TMEM117: variants seen among roughly 807,000 people sequenced by gnomAD.
The protein encoded by TMEM117 is transmembrane protein 117.
Under a neutral mutation model 52.4 loss-of-function variants are expected in TMEM117, and 27 were observed. The ratio of observed to expected loss-of-function variants is 0.51; its 90% confidence interval spans 0.38 to 0.71. TMEM117 has a LOEUF of 0.71. Ranked by LOEUF, TMEM117 falls within the 30% of genes least tolerant of loss-of-function variation. The pLI, the probability that TMEM117 is intolerant of heterozygous loss-of-function variation, is 0.00. For synonymous variants in TMEM117, 215 were observed against 206.3 expected, an observed-to-expected ratio of 1.04 and a Z score of -0.36; for missense variants, 556 against 630.5, an observed-to-expected ratio of 0.88 and a Z score of 1.26.
intron 3 of TMEM117, among the ~76,000 whole-genome samples, chr12:44,022,954 C>A: frequency 6.6e-6 from 1 of 152,138 alleles, no homozygotes. Context: ...ATAAAGGAAG[C>A]AGATCAATTA....
At position 43,965,385 on chromosome 12, in the gene TMEM117, T is replaced by G. The variant is rs1399968891; in HGVS notation, c.410+21043T>G. Among the ~76,000 whole-genome samples the G allele has an allele frequency of 2.6e-5, 4 of 152,176 alleles. No individual in the cohort carries two copies. The South Asian group carries it at 6.2e-4, about 24-fold the overall frequency. On this transcript the variant is annotated intron_variant, in intron 3 of 7. Coordinates refer to ENST00000266534, the MANE Select transcript of TMEM117 (RefSeq NM_032256.3). ...GTGATTGTATATCTCTATGAGGTCT[T>G]CCATCACAGCCCAGAGGAAGCACTA...
intron 3 of TMEM117, among the ~76,000 whole-genome samples, chr12:44,076,493 T>A (rs903097248): frequency 6.6e-6 from 1 of 152,206 alleles, no homozygotes; most frequent in African/African-American, 2.4e-5. Context: ...GGATCATTAT[T>A]GTGGTGTTAG....
chr12:43,964,456 T>G (rs1945452700), intron 3 of TMEM117, among the ~76,000 whole-genome samples: 2 of 152,190 alleles, frequency 1.3e-5, no homozygotes, highest in African/African-American at 2.4e-5. Context: ...CTACTTCTCT[T>G]TCCTAAAATT....
the TMEM117 span, among the ~76,000 whole-genome samples, chr12:43,821,733 C>T: frequency 1.3e-5 from 2 of 152,210 alleles, no homozygotes; most frequent in Non-Finnish European, 2.9e-5. Flanking sequence ...TGAATAAGCC[C>T]GTCTTTCATG....
chr12:44,047,835 A>G (rs2137915874), intron 3 of TMEM117, among the ~76,000 whole-genome samples: 1 of 152,176 alleles, frequency 6.6e-6, no homozygotes, highest in Middle Eastern at 3.4e-3. Flanking sequence ...CTGAGTTGAA[A>G]TTTTCCTTTT....
intron 5 of TMEM117, among the ~76,000 whole-genome samples, chr12:44,216,165 A>G (rs1949715818): frequency 6.6e-6 from 1 of 150,558 alleles, no homozygotes; most frequent in Non-Finnish European, 1.5e-5. Flanking sequence ...GCACCACCAC[A>G]CCCGGCTAAT....
chr12:43,931,604 T>A (rs1193790087), intron 2 of TMEM117, among the ~76,000 whole-genome samples: 1 of 152,234 alleles, frequency 6.6e-6, no homozygotes, highest in Admixed American at 6.5e-5. Context: ...ATATTTTACA[T>A]TTGGTAATTT....
intron 5 of TMEM117, among the ~76,000 whole-genome samples, chr12:44,288,466 A>G (rs1018703004): frequency 1.3e-5 from 2 of 152,194 alleles, no homozygotes; most frequent in African/African-American, 4.8e-5. Context: ...AAATGGAAGT[A>G]CATTATAAAG....
At chr12:44,202,015 CAA>C (rs2138371642) in intron 4 of TMEM117, among the ~76,000 whole-genome samples, 1 of 151,106 alleles carries the variant, frequency 6.6e-6, no homozygotes, top group East Asian at 1.9e-4. Context: ...CTTTATATAT[CAA>C]GATGATATCT....
At chr12:43,949,688 A>G (rs1462230020) in intron 3 of TMEM117, among the ~76,000 whole-genome samples, 1 of 152,070 alleles carries the variant, frequency 6.6e-6, no homozygotes, top group African/African-American at 2.4e-5. Flanking sequence ...ATGACTGCCT[A>G]TCTCCTGATG....
Position 44,083,942 on chromosome 12 carries a change from A to G in TMEM117, c.411-59583A>G, listed in dbSNP as rs1207975593. On this transcript the variant is annotated intron_variant, in intron 3 of 7. Transcript: ENST00000266534. ...AAATTAATTTTCCTAAATTAAATTC[A>G]GTTTCCTAAAAATACAACAAAAAAC... Among the ~76,000 whole-genome samples the G allele has an allele frequency of 3.9e-5, 6 of 152,268 alleles. No homozygotes were observed. The East Asian group carries it at 9.6e-4, about 24-fold the overall frequency.
At chr12:44,115,521 A>G (rs1948125867) in intron 3 of TMEM117, among the ~76,000 whole-genome samples, 1 of 151,638 alleles carries the variant, frequency 6.6e-6, no homozygotes, top group African/African-American at 2.4e-5. Context: ...TAAAGAATCT[A>G]AGACTCAAAT....
intron 3 of TMEM117, among the ~76,000 whole-genome samples, chr12:44,111,061 T>TA (rs1329256661): frequency 1.2e-4 from 1 of 8,342 alleles, no homozygotes; most frequent in Non-Finnish European, 1.8e-4. Flanking sequence ...TATCCCCTTT[T>TA]TCATTTTTTA....
chr12:43,939,178 TC>T (rs979327891), intron 2 of TMEM117, among the ~76,000 whole-genome samples: 1 of 152,170 alleles, frequency 6.6e-6, no homozygotes, highest in Non-Finnish European at 1.5e-5. Flanking sequence ...GACTATTATA[TC>T]TTTTGACTCC....
At chr12:43,910,202 A>G (rs1318563230) in intron 2 of TMEM117, among the ~76,000 whole-genome samples, 2 of 151,588 alleles carry the variant, frequency 1.3e-5, no homozygotes, top group Non-Finnish European at 2.9e-5. Flanking sequence ...ATGCAAATCA[A>G]TAAATGTAAT....
At chr12:44,268,684 T>C (rs568877732) in intron 5 of TMEM117, among the ~76,000 whole-genome samples, 2 of 152,188 alleles carry the variant, frequency 1.3e-5, no homozygotes, top group Non-Finnish European at 2.9e-5. Flanking sequence ...CTCACATTGT[T>C]GGCAAACTAG....
intron 2 of TMEM117, among the ~76,000 whole-genome samples, chr12:43,908,454 C>G (rs1592352957): frequency 7.0e-6 from 1 of 142,798 alleles, no homozygotes; most frequent in East Asian, 2.2e-4. Flanking sequence ...AGCAAAATCA[C>G]CAGCTAACAT....
intron 3 of TMEM117, among the ~76,000 whole-genome samples, chr12:43,982,986 A>G (rs1400258701): frequency 6.6e-6 from 1 of 152,216 alleles, no homozygotes. Context: ...AATAAATACT[A>G]TGCAGTTAAA....
chr12:44,299,129 T>A (rs946441992), intron 5 of TMEM117, among the ~76,000 whole-genome samples: 2 of 100,774 alleles, frequency 2.0e-5, no homozygotes, highest in African/African-American at 6.2e-5. Flanking sequence ...AGGCATTTAA[T>A]TTTTTTTTTT....
Sources: allele counts gnomAD v4.1 joint callset (sites outside exome capture counted in the v4.1 genomes callset), GRCh38; gene constraint gnomAD v4.1.1; transcripts MANE v1.5; gene names NCBI Gene and HGNC (gene_info 2026-07-23, HGNC 2026-07-21).